Variants in DCUN1D1 observed in about 807,000 individuals in gnomAD.
DCUN1D1 encodes DCN1-like protein 1.
In DCUN1D1, 3 loss-of-function variants were observed where a neutral mutation model predicts 39.0. The observed-to-expected ratio is 0.08, with a 90% CI of 0.04 to 0.20. The LOEUF (loss-of-function observed/expected upper bound fraction) is 0.20. Ranked by LOEUF, DCUN1D1 falls within the 10% of genes least tolerant of loss-of-function variation. DCUN1D1 has a pLI of 1.00. For synonymous variants in DCUN1D1, 82 were observed against 96.3 expected (o/e 0.85, Z 0.87); for missense variants, 158 against 302.4 (o/e 0.52, Z 3.54).
At chr3:182,958,607 G>C (rs1430396042) in intron 4 of DCUN1D1, among the ~76,000 whole-genome samples, 4 of 152,110 alleles carry the variant, frequency 2.6e-5, no homozygotes, top group Non-Finnish European at 4.4e-5. Context: ...TCACATTGCT[G>C]TGCCATCGAT....
In DCUN1D1 at chr3:182,939,353, C is replaced by G. The variant is rs554750241; in HGVS notation, c.*5741G>C. ...TTTACCACACAACCTGACAATTCCA[C>G]AACTAGGAATCTGAGATGAAAACAT... is the stretch of plus-strand genomic sequence containing the variant. On this transcript the variant is annotated 3_prime_UTR_variant, in exon 7 of 7. Coordinates refer to ENST00000292782, the MANE Select transcript of DCUN1D1 (RefSeq NM_020640.4). The G allele has an allele frequency of 3.4e-4, 51 of 152,224 alleles. No individual in the cohort carries two copies. Among genetic ancestry groups the G allele is most frequent in the African/African-American group, 1.1e-3 (46 of 41,528 alleles). 9.4% of individuals were successfully genotyped at this position (152,224 alleles called of 1,614,324 possible). A position where few individuals can be genotyped will look rare whatever the true frequency, so the allele number is the denominator to read the frequency against.
chr3:182,948,775 C>T (rs1028035316), intron 4 of DCUN1D1, among the ~76,000 whole-genome samples: 3 of 152,046 alleles, frequency 2.0e-5, no homozygotes, highest in Non-Finnish European at 4.4e-5. Flanking sequence ...AAGAGCCAGG[C>T]GGGGTGGCTC....
intron 1 of DCUN1D1, among the ~76,000 whole-genome samples, chr3:182,974,246 C>CTT (rs1560181419): frequency 1.3e-5 from 2 of 151,772 alleles, no homozygotes; most frequent in Non-Finnish European, 2.9e-5. Flanking sequence ...AGAGTGAGAC[C>CTT]CTGTCTCAAA....
In DCUN1D1 at chr3:182,960,652, G is replaced by T. The variant is rs550803153; in HGVS notation, c.520+574C>A. Among the ~76,000 whole-genome samples, 15 of 152,180 alleles carry T rather than the reference G, an allele frequency of 9.9e-5. No individual in the cohort carries two copies. The South Asian group carries it at 2.7e-3, about 27-fold the overall frequency. ...ACTATCTAATCTTTTTAGGTAATTT[G>T]CAAATTACACTGTATCTTTTACTCT... On this transcript the variant is annotated intron_variant, in intron 4 of 6. Transcript: ENST00000292782.
intron 1 of DCUN1D1, among the ~76,000 whole-genome samples, chr3:182,974,468 A>G (rs1728107486): frequency 1.0e-5 from 1 of 96,784 alleles, no homozygotes; most frequent in Admixed American, 1.1e-4. Flanking sequence ...AAGATTACTG[A>G]GGCCAAAAAA....
intron 6 of DCUN1D1, 94 bp from the exon 7 acceptor site, chr3:182,945,267 C>A: frequency 1.1e-6 from 1 of 934,572 alleles, no homozygotes; most frequent in Non-Finnish European, 1.6e-6. Flanking sequence ...AAGACTTCCT[C>A]ATAAGCGTTA....
chr3:182,956,367 C>T (rs1727064492), intron 4 of DCUN1D1: 1 of 222,990 alleles, frequency 4.5e-6, no homozygotes, highest in South Asian at 7.8e-5. Flanking sequence ...TCTTAATTTA[C>T]TTAGAAATAT....
chr3:182,964,198 T>C (rs959349347), intron 2 of DCUN1D1, 149 bp from the exon 3 acceptor site: 63 of 597,494 alleles, frequency 1.1e-4, no homozygotes, highest in Middle Eastern at 8.0e-4. Flanking sequence ...CACTTTCCCA[T>C]TATTTAAAGC....
chr3:182,941,457 TAATC>T lies in DCUN1D1; in HGVS notation c.*3633_*3636del, dbSNP rs1726131003. ...AAGAGTTCAGAAATATACTCATTTA[TAATC>T]AATTAAATGATGAGTCATAATTTGA... is the stretch of plus-strand genomic sequence containing the variant. On this transcript the variant is annotated 3_prime_UTR_variant, in exon 7 of 7. Coordinates refer to ENST00000292782, the MANE Select transcript of DCUN1D1 (RefSeq NM_020640.4). The T allele has an allele frequency of 6.6e-6, 1 of 152,142 alleles. No homozygotes were observed. Among genetic ancestry groups the T allele is most frequent in the African/African-American group, 2.4e-5 (1 of 41,454 alleles). The allele number at this position is 152,142 out of a possible 1,614,324, so 9.4% of individuals were successfully genotyped here.
intron 1 of DCUN1D1, among the ~76,000 whole-genome samples, chr3:182,978,623 C>T (rs1462136971): frequency 6.6e-6 from 1 of 152,210 alleles, no homozygotes; most frequent in Admixed American, 6.5e-5. Flanking sequence ...AATCCTCCTG[C>T]TTCGGTGACC....
chr3:182,969,650 C>G (rs1727837289), intron 1 of DCUN1D1, among the ~76,000 whole-genome samples: 2 of 152,000 alleles, frequency 1.3e-5, no homozygotes, highest in Non-Finnish European at 2.9e-5. Flanking sequence ...TTAAAACTAC[C>G]TAGGTATTAT....
chr3:182,961,747 A>C lies in DCUN1D1; in HGVS notation c.390-391T>G, dbSNP rs531352808. Among the ~76,000 whole-genome samples the C allele has an allele frequency of 6.6e-5, 10 of 152,314 alleles. No homozygotes were observed. In the South Asian group the frequency reaches 1.9e-3, roughly 28 times the overall value. On this transcript the variant is annotated intron_variant, in intron 3 of 6. Coordinates refer to ENST00000292782, the MANE Select transcript of DCUN1D1 (RefSeq NM_020640.4). ...CAGTAATTAATCGCGTCTACTATCT[A>C]AATTAACTAAAAGTATGGTCTCTTG...
At chr3:182,954,480 A>C (rs776120682) in intron 4 of DCUN1D1, among the ~76,000 whole-genome samples, 34 of 152,198 alleles carry the variant, frequency 2.2e-4, no homozygotes, top group South Asian at 2.1e-4. Context: ...CTTTTGCTGA[A>C]CGAGAGCCTT....
rs572857142 is a variant in DCUN1D1, at chr3:182,973,106, A to C, written c.4-7353T>G. Among the ~76,000 whole-genome samples the C allele has an allele frequency of 5.9e-5, 9 of 152,274 alleles. No individual in the cohort carries two copies. In the South Asian group the frequency reaches 1.9e-3, roughly 32 times the overall value. ...TCTTATCCACATGGGGGAGGGAGGA[A>C]CGTTCCAAGACTTCAGTGGATGCCT... On this transcript the variant is annotated intron_variant, in intron 1 of 6. Transcript: ENST00000292782.
upstream of DCUN1D1, among the ~76,000 whole-genome samples, chr3:182,982,626 A>G (rs778514300): frequency 6.6e-6 from 1 of 151,828 alleles, no homozygotes; most frequent in Non-Finnish European, 1.5e-5. Flanking sequence ...TTCTTAGCCA[A>G]TTCTTTTTGT....
At chr3:182,955,338 CTTAGA>C in intron 4 of DCUN1D1, 3 of 545,204 alleles carry the variant, frequency 5.5e-6, no homozygotes, top group South Asian at 4.2e-5. Context: ...ATGGTTGGAA[CTTAGA>C]TTATTTTCAA....
At chr3:182,956,089 T>A (rs1727046975) in intron 4 of DCUN1D1, 1 of 157,490 alleles carries the variant, frequency 6.3e-6, no homozygotes, top group Non-Finnish European at 1.4e-5. Context: ...CCACCATGCC[T>A]GGCTAATTTT....
chr3:182,958,925 G>A (rs1223528184), intron 4 of DCUN1D1, among the ~76,000 whole-genome samples: 5 of 152,086 alleles, frequency 3.3e-5, no homozygotes, highest in South Asian at 2.1e-4. Flanking sequence ...AAAGGGTAGC[G>A]ATATAACTAA....
chr3:182,961,445 C>G, intron 3 of DCUN1D1, 89 bp from the exon 4 acceptor site: 1 of 1,163,532 alleles, frequency 8.6e-7, no homozygotes, highest in East Asian at 2.5e-5. Context: ...ACATTTATTT[C>G]CTAGAACTAC....
Sources: allele counts gnomAD v4.1 joint callset (sites outside exome capture counted in the v4.1 genomes callset), GRCh38; gene constraint gnomAD v4.1.1; transcripts MANE v1.5; gene names NCBI Gene and HGNC (gene_info 2026-07-23, HGNC 2026-07-21).